EXOC4: variants seen among roughly 807,000 people sequenced by gnomAD.
EXOC4 encodes the protein exocyst complex component 4, also known as SEC8-like 1.
In EXOC4, 71 loss-of-function variants were observed where a neutral mutation model predicts 107.2. The observed-to-expected ratio is 0.66, with a 90% CI of 0.55 to 0.81. The LOEUF (loss-of-function observed/expected upper bound fraction) is 0.81. Among genes scored for constraint, EXOC4 ranks in the 30% least tolerant of loss-of-function variants. The pLI is 0.00. For missense variants in EXOC4, 1,108 were observed against 1,189.6 expected (o/e 0.93, Z 1.01); for synonymous variants, 456 against 441.2 (o/e 1.03, Z -0.42).
At chr7:133,665,047 A>G (rs1193068939) in intron 10 of EXOC4, among the ~76,000 whole-genome samples, 2 of 152,094 alleles carry the variant, frequency 1.3e-5, no homozygotes, top group South Asian at 2.1e-4. Context: ...TTTATTTCCA[A>G]CCTGGTATAG....
chr7:133,661,700 A>AC (rs1793688076), intron 10 of EXOC4, among the ~76,000 whole-genome samples: 1 of 148,662 alleles, frequency 6.7e-6, no homozygotes, highest in African/African-American at 2.5e-5. Flanking sequence ...AAAAAAAAAA[A>AC]AAACAAGAAT....
intron 11 of EXOC4, among the ~76,000 whole-genome samples, chr7:133,861,171 G>A (rs1430212180): frequency 2.0e-5 from 3 of 152,166 alleles, no homozygotes; most frequent in Non-Finnish European, 4.4e-5. Context: ...TCAGCACTAA[G>A]TCATAGAAGA....
At chr7:133,805,150 A>C (rs1043172965) in intron 10 of EXOC4, among the ~76,000 whole-genome samples, 4 of 152,352 alleles carry the variant, frequency 2.6e-5, no homozygotes, top group Admixed American at 2.6e-4. Flanking sequence ...GACTAATGCT[A>C]TGAAGTTAAA....
At chr7:133,416,728 A>G (rs1797483267) in intron 7 of EXOC4, among the ~76,000 whole-genome samples, 1 of 152,192 alleles carries the variant, frequency 6.6e-6, no homozygotes, top group Non-Finnish European at 1.5e-5. Context: ...ACGTTTCAGA[A>G]CACTCTGAAA....
At chr7:133,835,792 G>C in intron 11 of EXOC4, among the ~76,000 whole-genome samples, 1 of 152,088 alleles carries the variant, frequency 6.6e-6, no homozygotes, top group East Asian at 1.9e-4. Flanking sequence ...GGCTTTTTAT[G>C]GAGTCATTTT....
At chr7:133,628,798 A>G (rs925543951) in intron 9 of EXOC4, among the ~76,000 whole-genome samples, 3 of 152,206 alleles carry the variant, frequency 2.0e-5, no homozygotes, top group African/African-American at 7.2e-5. Flanking sequence ...ATTTGAGGAA[A>G]GAGTATGAGT....
At chr7:134,043,761 T>C (rs1477199742) in intron 17 of EXOC4, among the ~76,000 whole-genome samples, 1 of 152,120 alleles carries the variant, frequency 6.6e-6, no homozygotes, top group African/African-American at 2.4e-5. Flanking sequence ...TGTTCTCTCA[T>C]GCAGCTGTGA....
At chr7:134,099,858 C>G in the EXOC4 span, among the ~76,000 whole-genome samples, 3 of 152,108 alleles carry the variant, frequency 2.0e-5, no homozygotes, top group Non-Finnish European at 4.4e-5. Flanking sequence ...AGGTGCCCAC[C>G]ACAACACCCA....
intron 10 of EXOC4, among the ~76,000 whole-genome samples, chr7:133,709,676 A>C (rs1655457484): frequency 7.9e-6 from 1 of 126,614 alleles, no homozygotes; most frequent in Non-Finnish European, 1.6e-5. Context: ...TCAAAGTGGT[A>C]TGTGGTTTCA....
At chr7:133,301,178 C>T (rs1007265781) in intron 3 of EXOC4, among the ~76,000 whole-genome samples, 23 of 152,214 alleles carry the variant, frequency 1.5e-4, no homozygotes, top group African/African-American at 5.1e-4. Context: ...GCCCTAAAAC[C>T]GCTGGAGGTT....
chr7:134,061,561 C>T (rs960581172), intron 17 of EXOC4, among the ~76,000 whole-genome samples: 6 of 152,170 alleles, frequency 3.9e-5, no homozygotes, highest in South Asian at 2.1e-4. Flanking sequence ...GTCTAGAAAT[C>T]GCAGCTTTCA....
intron 1 of EXOC4, among the ~76,000 whole-genome samples, chr7:133,261,984 C>CCA (rs1795163669): frequency 6.6e-6 from 1 of 152,224 alleles, no homozygotes; most frequent in African/African-American, 2.4e-5. Flanking sequence ...TGCTGCAGCT[C>CCA]TTTCCCATCT....
chr7:133,259,838 C>G (rs1647802429), intron 1 of EXOC4, among the ~76,000 whole-genome samples: 1 of 152,106 alleles, frequency 6.6e-6, no homozygotes, highest in Admixed American at 6.5e-5. Flanking sequence ...ACTCTATATA[C>G]TAATTTTATT....
At chr7:134,057,810 G>A (rs1795966127) in intron 17 of EXOC4, among the ~76,000 whole-genome samples, 1 of 152,150 alleles carries the variant, frequency 6.6e-6, no homozygotes, top group African/African-American at 2.4e-5. Flanking sequence ...ATCCAAAAAT[G>A]CCAGTGCTTT....
chr7:133,389,257 C>A lies in EXOC4; in HGVS notation c.1182+14255C>A, dbSNP rs372525294. On this transcript the variant is annotated intron_variant, in intron 7 of 17. Coordinates refer to ENST00000253861, the MANE Select transcript of EXOC4 (RefSeq NM_021807.4). ...TTTTGAAAGAAGGAATTTTCAATAC[C>A]TTTTAGGCTTAACTATAAGAAATGG... Among the ~76,000 whole-genome samples, 4 of 152,022 alleles carry A rather than the reference C, an allele frequency of 2.6e-5. No individual in the cohort carries two copies. In the South Asian group the frequency reaches 6.2e-4, roughly 24 times the overall value.
intron 11 of EXOC4, among the ~76,000 whole-genome samples, chr7:133,822,283 A>T (rs1234168577): frequency 1.3e-5 from 2 of 152,170 alleles, no homozygotes; most frequent in African/African-American, 4.8e-5. Context: ...TCATTCCTTA[A>T]ACATGAGGAG....
At chr7:133,683,651 C>T (rs1794234562) in intron 10 of EXOC4, among the ~76,000 whole-genome samples, 1 of 151,960 alleles carries the variant, frequency 6.6e-6, no homozygotes, top group Non-Finnish European at 1.5e-5. Context: ...AAAAATAAAA[C>T]AAGAAAAGCA....
chr7:134,070,639 C>T (rs567446366), downstream of EXOC4, among the ~76,000 whole-genome samples: 39 of 152,210 alleles, frequency 2.6e-4, no homozygotes, highest in Admixed American at 7.9e-4. Flanking sequence ...GGGCCAAAGA[C>T]GCGTCTGTAA....
chr7:133,790,080 G>A (rs961357189), intron 10 of EXOC4, among the ~76,000 whole-genome samples: 1 of 152,184 alleles, frequency 6.6e-6, no homozygotes, highest in Non-Finnish European at 1.5e-5. Context: ...CGTAAATAAT[G>A]AGCACATAAC....
Sources: allele counts gnomAD v4.1 joint callset (sites outside exome capture counted in the v4.1 genomes callset), GRCh38; gene constraint gnomAD v4.1.1; transcripts MANE v1.5; gene names NCBI Gene and HGNC (gene_info 2026-07-23, HGNC 2026-07-21).